Variants in COL6A1 observed in about 807,000 individuals in gnomAD.
The protein encoded by COL6A1 is collagen alpha-1(VI) chain.
Under a neutral mutation model 145.6 loss-of-function variants are expected in COL6A1, and 80 were observed. The ratio of observed to expected loss-of-function variants is 0.55; its 90% CI spans 0.46 to 0.66. The LOEUF is 0.66. Ranked by LOEUF, COL6A1 falls within the 30% of genes least tolerant of loss-of-function variation. The probability of loss-of-function intolerance (pLI) is 0.00; values close to 1 mark genes in which losing one functional copy is unlikely to be tolerated. For synonymous variants in COL6A1, 638 were observed against 622.8 expected (o/e 1.02, Z -0.36); for missense variants, 1,364 against 1,473.8 (o/e 0.93, Z 1.22).
intron 11 of COL6A1, 105 bp downstream of exon 11, chr21:45,989,883 G>A (rs1250753524): frequency 1.9e-5 from 27 of 1,435,022 alleles, no homozygotes; most frequent in Admixed American, 1.7e-4. Flanking sequence ...AGGAGACCAC[G>A]TGTCCTGCAG....
At chr21:45,999,797 G>A in intron 27 of COL6A1, 105 bp downstream of exon 27, 1 of 957,398 alleles carries the variant, frequency 1.0e-6, no homozygotes, top group Non-Finnish European at 1.5e-6. Flanking sequence ...GCTCACGGGG[G>A]GGTGGGTTGT....
chr21:45,987,527 T>C lies in COL6A1; in HGVS notation c.759+8T>C. Reference sequence around the variant, plus strand: ...TGCTCCTTCGAATGCCAGGTGAGTGTGCCCCCCGACCCCTGACCCCGCGCC... The same window carrying C: ...TGCTCCTTCGAATGCCAGGTGAGTGCGCCCCCCGACCCCTGACCCCGCGCC... On this transcript the variant is annotated splice_region_variant and intron_variant, in intron 7 of 34. Coordinates refer to ENST00000361866, the MANE Select transcript of COL6A1 (RefSeq NM_001848.3). 1.2e-6 allele frequency: 2 copies of C among 1,612,946 alleles called. No individual in the cohort carries two copies. The highest frequency in any genetic ancestry group is 1.7e-6 in the Non-Finnish European group (2 of 1,179,984).
In COL6A1 at chr21:45,986,948, C is replaced by G; in HGVS notation, c.593C>G (p.Pro198Arg). ...CACCCTGAACACTGCCCCCAGGAGC[C>G]GCGTCTGAGCATCATCGCCACGGAC... ...SVAITPDHLE[P>R]RLSIIATDHT... The change falls in exon 5 of 35, where the codon CCG becomes CGG. Residue 198 changes from proline (P) to arginine (R), a missense_variant. By Grantham distance (103) the Pro-to-Arg change is moderately radical. Around this residue, in one of 3 missense-constraint regions of COL6A1, gnomAD observed 414 missense variants for 437.6 expected, o/e 0.95. Coordinates refer to ENST00000361866, the MANE Select transcript of COL6A1 (RefSeq NM_001848.3). 6.5e-7 allele frequency: 1 copy of G among 1,549,086 alleles called. No individual in the cohort carries two copies. The highest frequency in any genetic ancestry group is 8.7e-7 in the Non-Finnish European group (1 of 1,150,286).
At chr21:45,986,498 A>C in intron 3 of COL6A1, 28 bp from the exon 4 acceptor site, 1 of 1,551,446 alleles carries the variant, frequency 6.4e-7, no homozygotes, top group Non-Finnish European at 8.7e-7. Context: ...CCTAGTCTCG[A>C]GGTCTCACGC....
rs1418044274 is a variant in COL6A1 at position 45,994,917 on chromosome 21, C to T, written c.1398+688C>T. On this transcript the variant is annotated intron_variant, in intron 20 of 34. Coordinates refer to ENST00000361866, the MANE Select transcript of COL6A1 (RefSeq NM_001848.3). This position sits in a 1 kb window ranked among gnomAD's most constrained non-coding sequence, Gnocchi z 6.8. Reference sequence around the variant, plus strand: ...AGCAAGTCTGTGCTCCCGAGCTTGTCTGCTTCTGTGGACAAATCGACCTTA... The same window carrying T: ...AGCAAGTCTGTGCTCCCGAGCTTGTTTGCTTCTGTGGACAAATCGACCTTA... Among the ~76,000 whole-genome samples, 2 of 152,238 alleles carry T rather than the reference C, an allele frequency of 1.3e-5. 1 individual carries two copies. The highest frequency in any genetic ancestry group is 4.8e-5 in the African/African-American group (2 of 41,464).
In COL6A1 at chr21:45,982,631, C is replaced by T. The variant is rs1353609979; in HGVS notation, c.98-3C>T. The stretch of plus-strand genomic sequence containing the variant: ...AAGGCCCCTCTCCTCCATCTTCGGC[C>T]AGACTGCCCCGTGGACCTGTTCTTT... On this transcript the variant is annotated splice_polypyrimidine_tract_variant and splice_region_variant and intron_variant, in intron 1 of 34. Transcript: ENST00000361866. 6.2e-7 allele frequency: 1 copy of T among 1,612,820 alleles called. No individual in the cohort carries two copies. Among genetic ancestry groups the T allele is most frequent in the Non-Finnish European group, 8.5e-7 (1 of 1,179,942 alleles).
intron 2 of COL6A1, among the ~76,000 whole-genome samples, chr21:45,983,443 A>G (rs1292090026): frequency 6.6e-6 from 1 of 152,142 alleles, no homozygotes; most frequent in East Asian, 1.9e-4. Flanking sequence ...GGGTCCTGGC[A>G]GTGGGGACAC....
chr21:45,991,148 C>G (rs548609837), intron 15 of COL6A1, 107 bp downstream of exon 15: 1 of 1,276,656 alleles, frequency 7.8e-7, no homozygotes, highest in Non-Finnish European at 1.1e-6. Context: ...GTCGGCCACC[C>G]GTGCGGCCTC....
rs763606438 is a variant in COL6A1 at position 45,984,514 on chromosome 21, G to A, written c.428+45G>A. 2.6e-5 allele frequency: 41 copies of A among 1,587,460 alleles called. 1 individual carries two copies. The South Asian group carries it at 4.4e-4, about 17-fold the overall frequency. On this transcript the variant is annotated intron_variant, in intron 3 of 34. Coordinates refer to ENST00000361866, the MANE Select transcript of COL6A1 (RefSeq NM_001848.3). ...CTGCCCACGCCAGTTCTCACGCGTG[G>A]TACCCAGCCTGGGCTGGGGTTGGCC...
At chr21:45,999,627 C>T (rs992544948) in intron 26 of COL6A1, 30 bp from the exon 27 acceptor site, 1 of 1,612,698 alleles carries the variant, frequency 6.2e-7, no homozygotes, top group Admixed American at 1.7e-5. Flanking sequence ...TCCTCACCCT[C>T]AGAGCTCCTC....
rs745847824 is a variant in COL6A1, at chr21:46,000,336, C to T, written c.1782C>T (p.Cys594=). 27 of 1,613,810 alleles carry T rather than the reference C, an allele frequency of 1.7e-5. No individual in the cohort carries two copies. The highest frequency in any genetic ancestry group is 8.3e-5 in the Admixed American group (5 of 59,998). ...CCTCGTCTCTCCCTCCCCAGGAATGCGAGATTTTGGACATCATCATGAAAA... is the reference window on the plus strand; with the variant it reads ...CCTCGTCTCTCCCTCCCCAGGAATGTGAGATTTTGGACATCATCATGAAAA... ...GHQGPPGPDE[C]EILDIIMKMC... The change falls in exon 28 of 35, where the codon TGC becomes TGT. Residue 594 remains cysteine, a synonymous_variant. Transcript: ENST00000361866.
intron 29 of COL6A1, 43 bp downstream of exon 29, chr21:46,000,810 G>T (rs1556430901): frequency 1.2e-6 from 2 of 1,611,932 alleles, no homozygotes; most frequent in East Asian, 2.2e-5. Flanking sequence ...GATCCCGGGG[G>T]TCGGGGAGCG....
intron 14 of COL6A1, 39 bp downstream of exon 14, chr21:45,990,865 C>A: frequency 6.2e-7 from 1 of 1,611,618 alleles, no homozygotes; most frequent in Non-Finnish European, 8.5e-7. Flanking sequence ...AAAACTAGCG[C>A]TGTCAGCAGC....
intron 28 of COL6A1, 132 bp from the exon 29 acceptor site, chr21:46,000,627 C>A (rs1055458791): frequency 1.4e-4 from 190 of 1,392,064 alleles, no homozygotes; most frequent in Non-Finnish European, 1.7e-4. Context: ...GGGCAGGAGG[C>A]CGGGGAAGGG....
rs147622862 is a variant in COL6A1, at chr21:45,992,211, C to T, written c.1230C>T (p.Gly410=). The change falls in exon 17 of 35, where the codon GGC becomes GGT. Residue 410 remains glycine (G), a synonymous_variant. Coordinates refer to ENST00000361866, the MANE Select transcript of COL6A1 (RefSeq NM_001848.3). ...PGPPGEKGEA[G]DEGNPGPDGA... ...CCCCCGGAGAGAAAGGAGAGGCGGG[C>T]GACGAGGTGAGTGAGGGCTCCTGAC... 8.7e-6 allele frequency: 14 copies of T among 1,613,340 alleles called. No homozygotes were observed. The highest frequency in any genetic ancestry group is 4.0e-5 in the African/African-American group (3 of 74,886).
intron 30 of COL6A1, 80 bp downstream of exon 30, chr21:46,001,466 C>A (rs2077844953): frequency 1.9e-6 from 3 of 1,572,250 alleles, no homozygotes; most frequent in Non-Finnish European, 2.6e-6. Context: ...CGCCAGACCT[C>A]AGCCTCCCGA....
rs1569519194 is a variant in COL6A1 at position 46,003,377 on chromosome 21, A to ACCCCG, written c.2465-7_2465-3dup. On this transcript the variant is annotated splice_polypyrimidine_tract_variant and intron_variant, in intron 34 of 34. Transcript: ENST00000361866. ...CAGGGCCTCATGCTAACGGCTGCCC[A>ACCCCG]CCCCGCCCCGCAGTCACGTTCTCCT... 6.3e-7 allele frequency: 1 copy of ACCCCG among 1,598,922 alleles called. No homozygotes were observed. The highest frequency in any genetic ancestry group is 1.3e-5 in the African/African-American group (1 of 74,906).
chr21:45,990,454 G>T, intron 13 of COL6A1, 32 bp downstream of exon 13: 2 of 1,156,636 alleles, frequency 1.7e-6, no homozygotes. Flanking sequence ...GGACGGGGAG[G>T]GACGAGGAGG....
intron 1 of COL6A1, among the ~76,000 whole-genome samples, chr21:45,982,378 G>A (rs1488808420): frequency 3.9e-5 from 6 of 151,946 alleles, no homozygotes; most frequent in Non-Finnish European, 7.4e-5. Context: ...GTCCCGTGCC[G>A]GGGACGCCCT....
Sources: gnomAD v4.1 joint callset for allele counts (sites outside exome capture counted in the v4.1 genomes callset) on GRCh38, gnomAD v4.1.1 for gene constraint, gnomAD v4.1.1 regional missense constraint, Gnocchi (gnomAD v3.1) non-coding constraint, MANE v1.5 for transcripts, NCBI Gene and HGNC (gene_info 2026-07-23, HGNC 2026-07-21) for gene names.